PABPC4L: variants seen among roughly 807,000 people sequenced by gnomAD.
PABPC4L encodes the protein polyadenylate-binding protein 4-like.
For synonymous variants in PABPC4L, 169 were observed against 164.1 expected, an observed-to-expected ratio of 1.03 and a Z score of -0.23; for missense variants, 452 against 451.4, an observed-to-expected ratio of 1.00 and a Z score of -0.01.
downstream of PABPC4L, among the ~76,000 whole-genome samples, chr4:134,195,338 T>C (rs1331951719): frequency 6.6e-6 from 1 of 151,734 alleles, no homozygotes; most frequent in East Asian, 1.9e-4. Context: ...AAAATTGTGA[T>C]GCCCTACAAT....
chr4:133,977,408 T>C, the PABPC4L span, among the ~76,000 whole-genome samples: 1 of 152,274 alleles, frequency 6.6e-6, no homozygotes, highest in African/African-American at 2.4e-5. Context: ...TTTTTTGTCG[T>C]TCTGTATGAT....
the PABPC4L span, among the ~76,000 whole-genome samples, chr4:134,029,021 G>T: frequency 1.3e-5 from 2 of 152,042 alleles, no homozygotes; most frequent in Non-Finnish European, 2.9e-5. Context: ...GGATACTTTG[G>T]AAGGCTTTTT....
chr4:134,053,159 A>G, the PABPC4L span, among the ~76,000 whole-genome samples: 18 of 152,138 alleles, frequency 1.2e-4, no homozygotes, highest in Non-Finnish European at 2.5e-4. Flanking sequence ...ACTTAGTTCA[A>G]CATCAACAAA....
the PABPC4L span, among the ~76,000 whole-genome samples, chr4:133,952,914 C>T: frequency 6.6e-6 from 1 of 152,152 alleles, no homozygotes; most frequent in Non-Finnish European, 1.5e-5. Flanking sequence ...ATCCCTCCCC[C>T]TTCACCCCGA....
chr4:134,152,216 G>A, the PABPC4L span, among the ~76,000 whole-genome samples: 1 of 151,512 alleles, frequency 6.6e-6, no homozygotes, highest in African/African-American at 2.4e-5. Flanking sequence ...TAAGCTTTTA[G>A]CTTCTATAGC....
At chr4:134,094,220 A>G in the PABPC4L span, among the ~76,000 whole-genome samples, 1 of 151,650 alleles carries the variant, frequency 6.6e-6, no homozygotes, top group Non-Finnish European at 1.5e-5. Context: ...TTTCATATCT[A>G]TAGTCCTTAA....
the PABPC4L span, among the ~76,000 whole-genome samples, chr4:134,048,652 T>C: frequency 6.6e-6 from 1 of 152,116 alleles, no homozygotes; most frequent in Admixed American, 6.6e-5. Flanking sequence ...CTCTTACTTG[T>C]AGATATAGTA....
the PABPC4L span, among the ~76,000 whole-genome samples, chr4:134,162,822 C>G: frequency 6.6e-6 from 1 of 151,958 alleles, no homozygotes; most frequent in African/African-American, 2.4e-5. Flanking sequence ...TGAATATTAA[C>G]TGTGAGACAA....
the PABPC4L span, among the ~76,000 whole-genome samples, chr4:133,965,027 T>C: frequency 6.6e-6 from 1 of 152,176 alleles, no homozygotes; most frequent in African/African-American, 2.4e-5. Context: ...GAAGTCAAAC[T>C]GTCACTGTTT....
chr4:134,130,812 A>G, the PABPC4L span, among the ~76,000 whole-genome samples: 1 of 152,160 alleles, frequency 6.6e-6, no homozygotes, highest in Admixed American at 6.5e-5. Context: ...CAAAAAGAAT[A>G]TCCAACAGCA....
the PABPC4L span, among the ~76,000 whole-genome samples, chr4:134,040,943 C>T: frequency 3.4e-4 from 51 of 152,190 alleles, 1 homozygote; most frequent in Middle Eastern, 0.01. Flanking sequence ...CAAAAGAAGA[C>T]ATTTATGTAG....
the PABPC4L span, among the ~76,000 whole-genome samples, chr4:133,996,650 T>C: frequency 5.9e-5 from 9 of 152,152 alleles, no homozygotes; most frequent in Admixed American, 5.9e-4. Context: ...GGGCACCACC[T>C]GCCTCTAAGT....
chr4:133,998,623 C>G, the PABPC4L span, among the ~76,000 whole-genome samples: 3 of 151,816 alleles, frequency 2.0e-5, no homozygotes, highest in Non-Finnish European at 4.4e-5. Flanking sequence ...ATCTGTGAAC[C>G]CTTTTTTTAA....
At chr4:134,096,710 T>C in the PABPC4L span, among the ~76,000 whole-genome samples, 1 of 151,940 alleles carries the variant, frequency 6.6e-6, no homozygotes, top group Non-Finnish European at 1.5e-5. Context: ...CTACCTAGCC[T>C]CAGGAAAACA....
chr4:134,186,349 C>T, the PABPC4L span, among the ~76,000 whole-genome samples: 4 of 152,122 alleles, frequency 2.6e-5, no homozygotes, highest in East Asian at 1.9e-4. Context: ...GAGATATAGA[C>T]CAATGGAACA....
At chr4:134,156,148 G>A in the PABPC4L span, among the ~76,000 whole-genome samples, 1 of 151,870 alleles carries the variant, frequency 6.6e-6, no homozygotes, top group Non-Finnish European at 1.5e-5. Flanking sequence ...TAATTTAGCA[G>A]ATAATTTACA....
the PABPC4L span, among the ~76,000 whole-genome samples, chr4:134,164,727 T>C: frequency 6.6e-6 from 1 of 152,022 alleles, no homozygotes; most frequent in Non-Finnish European, 1.5e-5. Context: ...TCAATGCGAT[T>C]TCTATCAAAA....
At chr4:134,018,025 G>A in the PABPC4L span, among the ~76,000 whole-genome samples, 59 of 152,158 alleles carry the variant, frequency 3.9e-4, 1 homozygote, top group South Asian at 9.1e-3. Flanking sequence ...TGACCTGCAC[G>A]TACACATCCA....
the PABPC4L span, among the ~76,000 whole-genome samples, chr4:134,136,583 G>A: frequency 6.6e-6 from 1 of 151,478 alleles, no homozygotes; most frequent in Non-Finnish European, 1.5e-5. Context: ...TATTCTTTAG[G>A]ATTCTTTTTA....
Sources: gnomAD v4.1 joint callset for allele counts (sites outside exome capture counted in the v4.1 genomes callset) on GRCh38, gnomAD v4.1.1 for gene constraint, MANE v1.5 for transcripts, NCBI Gene and HGNC (gene_info 2026-07-23, HGNC 2026-07-21) for gene names.